TBC1D1: variants seen among roughly 807,000 people sequenced by gnomAD.
TBC1D1 encodes the protein TBC1 domain family member 1, also known as TBC1 (tre-2/USP6, BUB2, cdc16) domain family, member 1.
TBC1D1 carries 89 observed loss-of-function variants against 125.6 expected under a neutral mutation model. That is an observed-to-expected ratio of 0.71 (90% CI 0.60 to 0.85). The LOEUF is 0.85. TBC1D1 is among the 40% of genes least tolerant of loss of function. The pLI is 0.00. For missense variants in TBC1D1, 1,377 were observed against 1,469.2 expected (o/e 0.94, Z 1.03); for synonymous variants, 565 against 564.1 (o/e 1.00, Z -0.02).
At chr4:37,990,292 GATTC>G (rs1290374981) in intron 2 of TBC1D1, among the ~76,000 whole-genome samples, 1 of 151,610 alleles carries the variant, frequency 6.6e-6, no homozygotes, top group Non-Finnish European at 1.5e-5. Flanking sequence ...GCCCAAAAAA[GATTC>G]ATCAACTTTC....
At chr4:38,135,943 TG>T (rs1766516136) in intron 19 of TBC1D1, among the ~76,000 whole-genome samples, 1 of 151,052 alleles carries the variant, frequency 6.6e-6, no homozygotes, top group Admixed American at 6.6e-5. Flanking sequence ...TGTGTGTGTG[TG>T]TGTGTGTGTA....
chr4:37,893,974 T>C (rs1257707509), intron 1 of TBC1D1, among the ~76,000 whole-genome samples: 2 of 149,674 alleles, frequency 1.3e-5, no homozygotes, highest in Non-Finnish European at 3.0e-5. Context: ...AAGGTTTTCA[T>C]GCTTCAAGGT....
At position 38,020,582 on chromosome 4, in the gene TBC1D1, C is replaced by T. The variant is rs1300434551; in HGVS notation, c.973-9C>T. On this transcript the variant is annotated splice_polypyrimidine_tract_variant and intron_variant, in intron 4 of 19. Coordinates refer to ENST00000261439, the MANE Select transcript of TBC1D1 (RefSeq NM_015173.4). ...TACAACTGAACATCTCGTTCTCTCC[C>T]TTTGGCAGGGCATCAGACACGTGGA... The T allele has an allele frequency of 1.2e-6, 2 of 1,611,268 alleles. No homozygotes were observed. The highest frequency in any genetic ancestry group is 1.3e-5 in the African/African-American group (1 of 74,966).
intron 2 of TBC1D1, among the ~76,000 whole-genome samples, chr4:37,964,378 G>C (rs1053067876): frequency 2.6e-5 from 4 of 152,146 alleles, no homozygotes; most frequent in Non-Finnish European, 5.9e-5. Context: ...TCTAAACCTC[G>C]TGCTAGATCC....
At chr4:38,012,903 C>T (rs1029175006) in intron 2 of TBC1D1, among the ~76,000 whole-genome samples, 5 of 152,200 alleles carry the variant, frequency 3.3e-5, no homozygotes, top group Non-Finnish European at 5.9e-5. Context: ...AAGCAATTCT[C>T]CTGCCTCGGC....
At chr4:38,091,570 A>C (rs918163467) in intron 13 of TBC1D1, among the ~76,000 whole-genome samples, 41 of 152,364 alleles carry the variant, frequency 2.7e-4, no homozygotes, top group African/African-American at 9.6e-4. Context: ...TATGTTCATC[A>C]TGTAGGTCAA....
At chr4:37,985,352 G>A (rs1415911906) in intron 2 of TBC1D1, among the ~76,000 whole-genome samples, 1 of 152,174 alleles carries the variant, frequency 6.6e-6, no homozygotes, top group African/African-American at 2.4e-5. Flanking sequence ...TGGTGAACAA[G>A]TACTCTGTGC....
At chr4:38,118,407 C>A in intron 17 of TBC1D1, 1 of 579,006 alleles carries the variant, frequency 1.7e-6, no homozygotes, top group Non-Finnish European at 3.1e-6. Flanking sequence ...ATGCCTTCAT[C>A]TTGTGGGATG....
intron 2 of TBC1D1, chr4:37,960,349 T>C: frequency 8.1e-7 from 1 of 1,240,434 alleles, no homozygotes; most frequent in Non-Finnish European, 1.1e-6. Flanking sequence ...TACACCAATT[T>C]CCACTATAGT....
In TBC1D1 at chr4:38,049,833, G is replaced by C. The variant is rs528041274; in HGVS notation, c.1845G>C (p.Pro615=). 1 of 1,614,108 alleles carries C rather than the reference G, an allele frequency of 6.2e-7. No individual in the cohort carries two copies. Among genetic ancestry groups the C allele is most frequent in the Non-Finnish European group, 8.5e-7 (1 of 1,180,006 alleles). Residue 615 remains proline, a synonymous_variant, in exon 11 of 20, where the codon CCG becomes CCC. Coordinates refer to ENST00000261439, the MANE Select transcript of TBC1D1 (RefSeq NM_015173.4). Reference sequence around the variant, plus strand: ...CTCCACAACCTGCCCGGGGGTCCCCGGGGGTTTCGCAAAGGAAACTTATGA... The same window carrying C: ...CTCCACAACCTGCCCGGGGGTCCCCCGGGGTTTCGCAAAGGAAACTTATGA...
At position 37,976,241 on chromosome 4, in the gene TBC1D1, T is replaced by C. The variant is rs183542904; in HGVS notation, c.418-38268T>C. On this transcript the variant is annotated intron_variant, in intron 2 of 19. Coordinates refer to ENST00000261439, the MANE Select transcript of TBC1D1 (RefSeq NM_015173.4). ...AGGAACTAAATACGGGCAACACCTA[T>C]GTGAATGAGCATGGAAGTGGATCCT... Among the ~76,000 whole-genome samples, 15 of 152,296 alleles carry C rather than the reference T, an allele frequency of 9.8e-5. No homozygotes were observed. In the East Asian group the frequency reaches 2.3e-3, roughly 23 times the overall value.
Position 38,125,066 on chromosome 4 carries a change from G to A in TBC1D1, c.3067G>A (p.Val1023Ile). The stretch of plus-strand genomic sequence containing the variant: ...GCAGCATGAAAACCTAGAAACCATA[G>A]TTGACTTTATAAAAAGCACGCTACC... Residue 1023 changes from valine (V) to isoleucine (I), a missense_variant, in exon 18 of 20, where the codon GTT becomes ATT. Physicochemically the swap from Val to Ile is conservative, Grantham distance 29. This residue lies in a region of TBC1D1 where 543 missense variants were observed against 613.5 expected (regional missense o/e 0.89). Coordinates refer to ENST00000261439, the MANE Select transcript of TBC1D1 (RefSeq NM_015173.4). 6.2e-7 allele frequency: 1 copy of A among 1,614,088 alleles called. No homozygotes were observed. The highest frequency in any genetic ancestry group is 8.5e-7 in the Non-Finnish European group (1 of 1,180,014).
chr4:37,955,683 T>C (rs1213479673), intron 2 of TBC1D1, among the ~76,000 whole-genome samples: 1 of 152,212 alleles, frequency 6.6e-6, no homozygotes, highest in African/African-American at 2.4e-5. Context: ...GTATATAAAT[T>C]ACAATGTGTT....
chr4:37,939,153 G>A (rs926961052), intron 2 of TBC1D1, among the ~76,000 whole-genome samples: 7 of 152,178 alleles, frequency 4.6e-5, no homozygotes, highest in African/African-American at 1.2e-4. Context: ...CAGTGTAAAA[G>A]TGTTCCTATT....
At chr4:38,106,696 C>A (rs970204696) in intron 15 of TBC1D1, among the ~76,000 whole-genome samples, 2 of 152,154 alleles carry the variant, frequency 1.3e-5, no homozygotes, top group Non-Finnish European at 2.9e-5. Flanking sequence ...CCTGCAGTAT[C>A]CCCTCATTCT....
chr4:37,989,975 G>A (rs1308129231), intron 2 of TBC1D1, among the ~76,000 whole-genome samples: 1 of 152,232 alleles, frequency 6.6e-6, no homozygotes, highest in African/African-American at 2.4e-5. Flanking sequence ...AAAATAGGAA[G>A]GAAGTTTATT....
At chr4:38,091,323 G>A (rs920135333) in intron 13 of TBC1D1, among the ~76,000 whole-genome samples, 5 of 152,244 alleles carry the variant, frequency 3.3e-5, no homozygotes, top group African/African-American at 1.2e-4. Context: ...TCAGGGTGCT[G>A]TGGAAGATGA....
rs1578126729 is a variant in TBC1D1 at position 37,977,739 on chromosome 4, G to A, written c.418-36770G>A. Among the ~76,000 whole-genome samples the A allele has an allele frequency of 6.6e-6, 1 of 152,174 alleles. No individual in the cohort carries two copies. Among genetic ancestry groups the A allele is most frequent in the African/African-American group, 2.4e-5 (1 of 41,562 alleles). ...TGGGGAGGACGGGCGAGGTAGCGGC[G>A]CCCATTTCACAGTTGGGGAGACTGA... is the stretch of plus-strand genomic sequence containing the variant. On this transcript the variant is annotated intron_variant, in intron 2 of 19. Transcript: ENST00000261439. This position sits in a 1 kb window ranked among gnomAD's most constrained non-coding sequence, Gnocchi z 4.3.
chr4:37,959,874 G>GCATGCTGGATTGTCTGCCA (rs1729634489), intron 2 of TBC1D1, among the ~76,000 whole-genome samples: 2 of 152,282 alleles, frequency 1.3e-5, no homozygotes, highest in African/African-American at 4.8e-5. Flanking sequence ...CCCCACCACT[G>GCATGCTGGATTGTCTGCCA]CATGCTGGAT....
Sources: gnomAD v4.1 joint callset for allele counts (sites outside exome capture counted in the v4.1 genomes callset) on GRCh38, gnomAD v4.1.1 for gene constraint, gnomAD v4.1.1 regional missense constraint, Gnocchi (gnomAD v3.1) non-coding constraint, MANE v1.5 for transcripts, NCBI Gene and HGNC (gene_info 2026-07-23, HGNC 2026-07-21) for gene names.